Variants in NELL1 observed in about 807,000 individuals in gnomAD.
NELL1 encodes neural EGFL like 1, also known as protein kinase C-binding protein NELL1.
In NELL1, 76 loss-of-function variants were observed where a neutral mutation model predicts 107.4. The ratio of observed to expected loss-of-function variants is 0.71; its 90% CI spans 0.59 to 0.86. NELL1 has a LOEUF of 0.86. NELL1 is among the 40% of genes least tolerant of loss of function. The probability of loss-of-function intolerance (pLI) is 0.00; values close to 1 mark genes in which losing one functional copy is unlikely to be tolerated. For missense variants in NELL1, 1,024 were observed against 1,005.5 expected (o/e 1.02, Z -0.25); for synonymous variants, 353 against 341.2 (o/e 1.03, Z -0.38).
chr11:21,503,937 T>A (rs1855215748), intron 15 of NELL1: 2 of 152,194 alleles, frequency 1.3e-5, no homozygotes, highest in Non-Finnish European at 2.9e-5. Context: ...GATCTAATAA[T>A]TACTATGATA....
At chr11:20,908,159 A>G (rs1043725502) in intron 5 of NELL1, among the ~76,000 whole-genome samples, 47 of 152,286 alleles carry the variant, frequency 3.1e-4, no homozygotes, top group African/African-American at 1.1e-3. Context: ...CTTCAAAGAT[A>G]TAAAACCAGA....
At chr11:21,192,109 T>C (rs1430610645) in intron 13 of NELL1, among the ~76,000 whole-genome samples, 2 of 151,920 alleles carry the variant, frequency 1.3e-5, no homozygotes, top group African/African-American at 2.4e-5. Context: ...ACTTATGTGG[T>C]AATAATTATG....
At chr11:21,200,487 TTTTTCTTG>T (rs1857244677) in intron 13 of NELL1, among the ~76,000 whole-genome samples, 1 of 151,278 alleles carries the variant, frequency 6.6e-6, no homozygotes, top group Non-Finnish European at 1.5e-5. Flanking sequence ...TTTTTGATTT[TTTTTCTTG>T]TAAATTTGTT....
chr11:21,348,804 G>A (rs927033017), intron 14 of NELL1, among the ~76,000 whole-genome samples: 14 of 152,166 alleles, frequency 9.2e-5, no homozygotes, highest in Admixed American at 2.6e-4. Flanking sequence ...GAATTACAGA[G>A]TGAACAGTCA....
chr11:20,925,296 A>G (rs1227799158), intron 7 of NELL1, among the ~76,000 whole-genome samples: 5 of 151,948 alleles, frequency 3.3e-5, no homozygotes, highest in African/African-American at 1.2e-4. Flanking sequence ...TTATTTATTT[A>G]TTGAGATGGA....
At chr11:21,267,155 C>T (rs908090054) in intron 14 of NELL1, among the ~76,000 whole-genome samples, 2 of 152,148 alleles carry the variant, frequency 1.3e-5, no homozygotes, top group South Asian at 4.1e-4. Flanking sequence ...TATGCATCTA[C>T]ATCCTCATGG....
In NELL1 at chr11:21,293,405, G is replaced by T. The variant is rs1054230019; in HGVS notation, c.1549+63951G>T. 2.0e-5 allele frequency among the ~76,000 whole-genome samples: 3 copies of T among 152,154 alleles called. No homozygotes were observed. The South Asian group carries it at 6.2e-4, about 32-fold the overall frequency. ...GATACTATCTCATGCCAGTTACAAT[G>T]ACGATCATTAAAAAGTCAGGAGACA... On this transcript the variant is annotated intron_variant, in intron 14 of 19. Transcript: ENST00000357134.
At chr11:21,132,835 T>C (rs536702203) in intron 13 of NELL1, among the ~76,000 whole-genome samples, 1 of 152,328 alleles carries the variant, frequency 6.6e-6, no homozygotes, top group Admixed American at 6.5e-5. Context: ...TTTGCGTTGC[T>C]GCTCTTTCAG....
chr11:20,976,607 G>C (rs1312126172), intron 12 of NELL1, among the ~76,000 whole-genome samples: 1 of 152,032 alleles, frequency 6.6e-6, no homozygotes, highest in African/African-American at 2.4e-5. Context: ...GCATATAATG[G>C]CTTTGAAAAG....
At position 20,978,886 on chromosome 11, in the gene NELL1, C is replaced by T. The variant is rs185957106; in HGVS notation, c.1300+18326C>T. Among the ~76,000 whole-genome samples the T allele has an allele frequency of 2.8e-3, 424 of 152,258 alleles. 2 individuals carry two copies. The highest frequency in any genetic ancestry group is 4.4e-3 in the Non-Finnish European group (301 of 68,024). ...CCTCTCTTTCTAATCTCCCAATTCC[C>T]TCCTTTTCTAATTATTATCAACATT... On this transcript the variant is annotated intron_variant, in intron 12 of 19. Coordinates refer to ENST00000357134, the MANE Select transcript of NELL1 (RefSeq NM_006157.5).
intron 13 of NELL1, among the ~76,000 whole-genome samples, chr11:21,179,299 G>A (rs749178094): frequency 2.6e-5 from 4 of 151,810 alleles, no homozygotes; most frequent in Admixed American, 6.6e-5. Context: ...TAATATATTT[G>A]GAAGGTTTTG....
chr11:21,235,681 A>G (rs16907707), intron 14 of NELL1, among the ~76,000 whole-genome samples: 3,640 of 152,228 alleles, frequency 0.024, 131 homozygotes, highest in African/African-American at 0.075. Context: ...GATTGATGTG[A>G]ACATGGATGA....
intron 13 of NELL1, among the ~76,000 whole-genome samples, chr11:21,204,036 C>T (rs1438162229): frequency 6.6e-6 from 1 of 152,102 alleles, no homozygotes; most frequent in Non-Finnish European, 1.5e-5. Context: ...TCTGGCTGCC[C>T]TTAACATTTT....
At chr11:21,157,444 G>A (rs989216059) in intron 13 of NELL1, among the ~76,000 whole-genome samples, 1 of 152,158 alleles carries the variant, frequency 6.6e-6, no homozygotes, top group Non-Finnish European at 1.5e-5. Context: ...GAATTAAAAT[G>A]TGTACCATCA....
At chr11:21,361,550 G>T (rs913211367) in intron 14 of NELL1, among the ~76,000 whole-genome samples, 5 of 152,060 alleles carry the variant, frequency 3.3e-5, no homozygotes, top group African/African-American at 1.2e-4. Context: ...GACCAGGGAA[G>T]TTTTCCTCTA....
At chr11:20,931,571 AT>A (rs1850619407) in intron 9 of NELL1, among the ~76,000 whole-genome samples, 1 of 152,226 alleles carries the variant, frequency 6.6e-6, no homozygotes, top group African/African-American at 2.4e-5. Context: ...CAGTTAAAAA[AT>A]AATAATAAAA....
At chr11:20,981,875 G>A (rs541158809) in intron 12 of NELL1, among the ~76,000 whole-genome samples, 1 of 152,154 alleles carries the variant, frequency 6.6e-6, no homozygotes, top group Non-Finnish European at 1.5e-5. Flanking sequence ...GAAATTTCAG[G>A]AGTAGCCTTC....
intron 5 of NELL1, 25 bp downstream of exon 5, chr11:20,885,565 G>A: frequency 7.3e-7 from 1 of 1,361,822 alleles, no homozygotes; most frequent in Non-Finnish European, 1.1e-6. Context: ...TCTTTTTATT[G>A]AAGTATATAT....
intron 2 of NELL1, among the ~76,000 whole-genome samples, chr11:20,733,448 T>C (rs557345006): frequency 2.0e-5 from 3 of 152,208 alleles, no homozygotes; most frequent in African/African-American, 7.2e-5. Context: ...AAAGAGAACC[T>C]AGATTAGGAG....
Sources: gnomAD v4.1 joint callset for allele counts (sites outside exome capture counted in the v4.1 genomes callset) on GRCh38, gnomAD v4.1.1 for gene constraint, MANE v1.5 for transcripts, NCBI Gene and HGNC (gene_info 2026-07-23, HGNC 2026-07-21) for gene names.